Variants in TRPC6 observed in about 807,000 individuals in gnomAD.
TRPC6 encodes the protein short transient receptor potential channel 6.
TRPC6 carries 55 observed loss-of-function variants against 90.7 expected under a neutral mutation model. That is an observed-to-expected ratio of 0.61 (90% CI 0.49 to 0.76). TRPC6 has a LOEUF of 0.76. Ranked by LOEUF, TRPC6 falls within the 30% of genes least tolerant of loss-of-function variation. The pLI is 0.00. For synonymous variants in TRPC6, 393 were observed against 393.0 expected, an observed-to-expected ratio of 1.00 and a Z score of 0.00; for missense variants, 989 against 1,122.7, an observed-to-expected ratio of 0.88 and a Z score of 1.70.
At chr11:101,481,572 G>A (rs537142441) in intron 5 of TRPC6, among the ~76,000 whole-genome samples, 1 of 152,196 alleles carries the variant, frequency 6.6e-6, no homozygotes, top group African/African-American at 2.4e-5. Flanking sequence ...CTTAGAGACT[G>A]TAGTCACTAC....
chr11:101,514,430 G>T (rs529893038), intron 1 of TRPC6, among the ~76,000 whole-genome samples: 1 of 152,312 alleles, frequency 6.6e-6, no homozygotes, highest in South Asian at 2.1e-4. Flanking sequence ...AAGAATGAAG[G>T]AGAGTTAGCT....
intron 5 of TRPC6, among the ~76,000 whole-genome samples, chr11:101,477,210 C>T (rs987864458): frequency 6.0e-5 from 9 of 151,166 alleles, no homozygotes; most frequent in Admixed American, 1.3e-4. Flanking sequence ...ACCCAACCTT[C>T]CTGCCTGCTC....
chr11:101,502,902 C>G (rs1860163528), intron 2 of TRPC6, among the ~76,000 whole-genome samples: 1 of 151,994 alleles, frequency 6.6e-6, no homozygotes, highest in Non-Finnish European at 1.5e-5. Context: ...AAGAAGCTGC[C>G]CAGGAAAGAC....
intron 1 of TRPC6, among the ~76,000 whole-genome samples, chr11:101,541,212 G>GT (rs1299207317): frequency 6.6e-6 from 1 of 151,992 alleles, no homozygotes; most frequent in Non-Finnish European, 1.5e-5. Context: ...CAGTCTTTTT[G>GT]TTTTTTTCTA....
At chr11:101,455,215 G>T in intron 10 of TRPC6, 114 bp from the exon 11 acceptor site, 2 of 806,314 alleles carry the variant, frequency 2.5e-6, no homozygotes, top group Non-Finnish European at 4.1e-6. Flanking sequence ...TTATCTATAT[G>T]TATAGTGCCA....
intron 1 of TRPC6, among the ~76,000 whole-genome samples, chr11:101,571,895 A>T (rs1164120815): frequency 2.6e-5 from 4 of 152,172 alleles, no homozygotes; most frequent in South Asian, 2.1e-4. Context: ...ACTTAAACAT[A>T]AGACCTAAAA....
At chr11:101,576,763 A>T (rs1862079869) in intron 1 of TRPC6, among the ~76,000 whole-genome samples, 1 of 152,204 alleles carries the variant, frequency 6.6e-6, no homozygotes, top group Non-Finnish European at 1.5e-5. Context: ...TGCCTTATGA[A>T]GTTACTTCTT....
At chr11:101,548,178 T>C (rs1258702579) in intron 1 of TRPC6, among the ~76,000 whole-genome samples, 2 of 149,650 alleles carry the variant, frequency 1.3e-5, no homozygotes. Flanking sequence ...CTCTTTTCAC[T>C]TCTTGAACTG....
In TRPC6 at chr11:101,583,433, C is replaced by A; in HGVS notation, c.71G>T (p.Arg24Leu). The change falls in exon 1 of 13, where the codon CGG becomes CTG. Residue 24 changes from arginine (R) to leucine (L), a missense_variant. Arg to Leu is a moderately radical substitution (Grantham distance 102). This residue lies in a region of TRPC6 where 194 missense variants were observed against 136.5 expected (regional missense o/e 1.42). Transcript: ENST00000344327. Reference sequence around the variant, plus strand: ...CAGATAGTCCTGGCTCTCGTTGCGCCGCGCAGCGGCTCCGGCAGCGCCCCG... The same window carrying A: ...CAGATAGTCCTGGCTCTCGTTGCGCAGCGCAGCGGCTCCGGCAGCGCCCCG... ...SPRGAAGAAA[R>L]RNESQDYLLM... 1 of 1,553,262 alleles carries A rather than the reference C, an allele frequency of 6.4e-7. No individual in the cohort carries two copies. Among genetic ancestry groups the A allele is most frequent in the Non-Finnish European group, 8.7e-7 (1 of 1,148,646 alleles).
Position 101,583,557 on chromosome 11 carries a change from G to A in TRPC6, c.-54C>T. 1 of 1,403,600 alleles carries A rather than the reference G, an allele frequency of 7.1e-7. No homozygotes were observed. The highest frequency in any genetic ancestry group is 2.6e-4 in the Middle Eastern group (1 of 3,916). 86.9% of individuals were successfully genotyped at this position (1,403,600 alleles called of 1,614,324 possible). A position where few individuals can be genotyped will look rare whatever the true frequency, so the allele number is the denominator to read the frequency against. On this transcript the variant is annotated 5_prime_UTR_variant, in exon 1 of 13. Transcript: ENST00000344327. ...CGCTCCCGGGGGAGCCGAGTGGGCA[G>A]TTCCAGCGGGGACCCGGTGCGGAGG...
intron 1 of TRPC6, among the ~76,000 whole-genome samples, chr11:101,513,992 A>T (rs555316418): frequency 1.3e-5 from 2 of 152,318 alleles, no homozygotes; most frequent in South Asian, 4.1e-4. Context: ...TCTATATGTG[A>T]CTGCTATGTG....
intron 2 of TRPC6, among the ~76,000 whole-genome samples, chr11:101,502,013 A>G (rs954284453): frequency 5.9e-5 from 9 of 152,186 alleles, no homozygotes; most frequent in Non-Finnish European, 1.0e-4. Flanking sequence ...AAAGGTATGC[A>G]TGTCCAGAGG....
intron 7 of TRPC6, among the ~76,000 whole-genome samples, chr11:101,472,847 ACTTCCCTG>A (rs1859324018): frequency 1.3e-5 from 2 of 152,172 alleles, no homozygotes; most frequent in Non-Finnish European, 2.9e-5. Context: ...AGGTGGTTTC[ACTTCCCTG>A]GCAAACTGTA....
chr11:101,473,754 G>C lies in TRPC6; in HGVS notation c.1764C>G (p.Pro588=), dbSNP rs779891521. Residue 588 remains proline (P), a synonymous_variant, in exon 7 of 13, where the codon CCC becomes CCG. Coordinates refer to ENST00000344327, the MANE Select transcript of TRPC6 (RefSeq NM_004621.6). ...CTTCAGATATTATTTGAGGATCAGA[G>C]GGGTCCCACTTTATCCTGGCTAGGA... ...YYNLARIKWD[P]SDPQIISEGL... 1 of 1,613,648 alleles carries C rather than the reference G, an allele frequency of 6.2e-7. No individual in the cohort carries two copies.
At chr11:101,517,669 C>T (rs999457245) in intron 1 of TRPC6, among the ~76,000 whole-genome samples, 5 of 152,138 alleles carry the variant, frequency 3.3e-5, no homozygotes, top group African/African-American at 1.2e-4. Flanking sequence ...AACCTTATCA[C>T]TTTTCAAGTA....
Position 101,475,019 on chromosome 11 carries a change from A to T in TRPC6, c.1745-1246T>A, listed in dbSNP as rs552284791. 5.3e-5 allele frequency among the ~76,000 whole-genome samples: 8 copies of T among 152,260 alleles called. No individual in the cohort carries two copies. In the South Asian group the frequency reaches 1.7e-3, roughly 32 times the overall value. On this transcript the variant is annotated intron_variant, in intron 6 of 12. Transcript: ENST00000344327. ...TTTGTGAGGAGGACTGCCCTGGCCC[A>T]TTGCTATCTAGAAACTGGAGGATAT...
At chr11:101,523,365 T>C (rs1472718854) in intron 1 of TRPC6, among the ~76,000 whole-genome samples, 1 of 152,230 alleles carries the variant, frequency 6.6e-6, no homozygotes, top group Non-Finnish European at 1.5e-5. Flanking sequence ...GGTGATTCTC[T>C]GTCTTCAAGT....
intron 1 of TRPC6, among the ~76,000 whole-genome samples, chr11:101,519,233 G>C (rs1315989552): frequency 6.6e-6 from 1 of 152,098 alleles, no homozygotes; most frequent in Non-Finnish European, 1.5e-5. Context: ...TGCTTGAGGG[G>C]ATGGATACCC....
intron 9 of TRPC6, among the ~76,000 whole-genome samples, chr11:101,470,821 C>CCG (rs1859275603): frequency 8.5e-6 from 1 of 118,228 alleles, no homozygotes; most frequent in Non-Finnish European, 1.8e-5. Context: ...CCCCCCCCTC[C>CCG]CCGAGTCATA....
Sources: gnomAD v4.1 joint callset for allele counts (sites outside exome capture counted in the v4.1 genomes callset) on GRCh38, gnomAD v4.1.1 for gene constraint, gnomAD v4.1.1 regional missense constraint, MANE v1.5 for transcripts, NCBI Gene and HGNC (gene_info 2026-07-23, HGNC 2026-07-21) for gene names.